The following UBE2H variants were observed in gnomAD, a reference collection of about 807,000 sequenced individuals.
UBE2H encodes ubiquitin-conjugating enzyme E2 H.
Under a neutral mutation model 29.0 loss-of-function variants are expected in UBE2H, and 3 were observed. The observed-to-expected ratio is 0.10, with a 90% CI of 0.05 to 0.27. The LOEUF (loss-of-function observed/expected upper bound fraction) is 0.27. Among genes scored for constraint, UBE2H ranks in the 10% least tolerant of loss-of-function variants. The pLI is 1.00. For synonymous variants in UBE2H, 69 were observed against 82.9 expected, an observed-to-expected ratio of 0.83 and a Z score of 0.91; for missense variants, 68 against 228.2, an observed-to-expected ratio of 0.30 and a Z score of 4.52.
chr7:129,927,312 G>A (rs1411842734), intron 1 of UBE2H, among the ~76,000 whole-genome samples: 1 of 152,064 alleles, frequency 6.6e-6, no homozygotes, highest in Non-Finnish European at 1.5e-5. Flanking sequence ...GAGGCAGAGG[G>A]GGGTGGATCA....
At position 129,952,375 on chromosome 7, in the gene UBE2H, G is replaced by C. The variant is rs1173933208; in HGVS notation, c.53+128C>G. ...GTGCCAAGGAGCCGCCGTAGGCACT[G>C]GGGGAGGAGGGGAGTCTCGGACAGT... On this transcript the variant is annotated intron_variant, in intron 1 of 6. Coordinates refer to ENST00000355621, the MANE Select transcript of UBE2H (RefSeq NM_003344.4). The C allele has an allele frequency of 2.5e-6, 3 of 1,188,066 alleles. No individual in the cohort carries two copies. The East Asian group carries it at 8.3e-5, about 33-fold the overall frequency. 73.6% of individuals were successfully genotyped at this position (1,188,066 alleles called of 1,614,324 possible).
At chr7:129,892,892 C>A (rs1245419475) in intron 1 of UBE2H, among the ~76,000 whole-genome samples, 1 of 151,916 alleles carries the variant, frequency 6.6e-6, no homozygotes, top group Non-Finnish European at 1.5e-5. Context: ...ACTCTCCAAT[C>A]AATAAAATAT....
intron 1 of UBE2H, among the ~76,000 whole-genome samples, chr7:129,931,635 C>T (rs1004171672): frequency 2.0e-4 from 31 of 151,942 alleles, no homozygotes; most frequent in Middle Eastern, 3.2e-3. Context: ...ATATGTGCTT[C>T]TGTATTGAAT....
chr7:129,952,471 A>C, intron 1 of UBE2H, 32 bp downstream of exon 1: 1 of 1,607,992 alleles, frequency 6.2e-7, no homozygotes, highest in Non-Finnish European at 8.5e-7. Context: ...CGCCCCCCAC[A>C]CACAGCCCGA....
Position 129,887,196 on chromosome 7 carries a change from T to C in UBE2H, c.54-6225A>G, listed in dbSNP as rs147299086. The stretch of plus-strand genomic sequence containing the variant: ...AAGAACAAGAACTAGAACTAGAATT[T>C]AGCTACTAGAGCTCTCTTGAACTTT... On this transcript the variant is annotated intron_variant, in intron 1 of 6. Coordinates refer to ENST00000355621, the MANE Select transcript of UBE2H (RefSeq NM_003344.4). Among the ~76,000 whole-genome samples the C allele has an allele frequency of 6.4e-3, 980 of 151,968 alleles. 18 individuals are homozygous for C. Among genetic ancestry groups the C allele is most frequent in the African/African-American group, 0.023 (934 of 41,456 alleles).
chr7:129,926,147 T>C (rs1460685926), intron 1 of UBE2H, among the ~76,000 whole-genome samples: 1 of 152,176 alleles, frequency 6.6e-6, no homozygotes, highest in Non-Finnish European at 1.5e-5. Flanking sequence ...ATGTCACACA[T>C]CTGAAAAAGT....
At chr7:129,846,841 CCTT>C (rs1237390134) in intron 5 of UBE2H, among the ~76,000 whole-genome samples, 1 of 152,162 alleles carries the variant, frequency 6.6e-6, no homozygotes, top group African/African-American at 2.4e-5. Flanking sequence ...TCCCCTTTCT[CCTT>C]CTACTACCTG....
intron 1 of UBE2H, among the ~76,000 whole-genome samples, chr7:129,882,831 TAAA>T (rs1236287896): frequency 6.6e-6 from 1 of 152,048 alleles, no homozygotes; most frequent in Non-Finnish European, 1.5e-5. Flanking sequence ...TTGTGTCACG[TAAA>T]AAAAGGCAAA....
chr7:129,863,927 C>A (rs1805848085), intron 3 of UBE2H, among the ~76,000 whole-genome samples: 1 of 151,886 alleles, frequency 6.6e-6, no homozygotes, highest in African/African-American at 2.4e-5. Context: ...GCCTCAGCCT[C>A]CCAAGTAGCT....
chr7:129,922,213 C>A (rs1807177577), intron 1 of UBE2H, among the ~76,000 whole-genome samples: 1 of 151,886 alleles, frequency 6.6e-6, no homozygotes, highest in East Asian at 1.9e-4. Context: ...GTCTTGAACT[C>A]CTGACCTCAG....
chr7:129,865,407 G>T (rs1355052806), intron 3 of UBE2H, among the ~76,000 whole-genome samples: 1 of 152,068 alleles, frequency 6.6e-6, no homozygotes, highest in Non-Finnish European at 1.5e-5. Flanking sequence ...TTCCATCTTT[G>T]TTCCCTTTAT....
chr7:129,847,051 G>A (rs926388726), intron 5 of UBE2H, among the ~76,000 whole-genome samples: 2 of 151,090 alleles, frequency 1.3e-5, no homozygotes, highest in Admixed American at 1.3e-4. Context: ...ACGGAGTCTC[G>A]CTCTATCTCC....
intron 2 of UBE2H, among the ~76,000 whole-genome samples, chr7:129,880,363 G>A (rs1015690746): frequency 6.6e-6 from 1 of 152,100 alleles, no homozygotes; most frequent in African/African-American, 2.4e-5. Flanking sequence ...GAAATGAGCT[G>A]GGCGTGGTGG....
chr7:129,895,882 A>G (rs913276373), intron 1 of UBE2H, among the ~76,000 whole-genome samples: 2 of 152,070 alleles, frequency 1.3e-5, no homozygotes, highest in East Asian at 1.9e-4. Context: ...TCTCAGAAAA[A>G]AACAACAGAA....
chr7:129,904,361 C>G (rs1806775138), intron 1 of UBE2H, among the ~76,000 whole-genome samples: 1 of 152,000 alleles, frequency 6.6e-6, no homozygotes, highest in Non-Finnish European at 1.5e-5. Context: ...CTTAAGCGAT[C>G]CTCTTGCCTT....
rs951292295 is a variant in UBE2H at position 129,860,537 on chromosome 7, G to A, written c.206-1596C>T. On this transcript the variant is annotated intron_variant, in intron 3 of 6. Transcript: ENST00000355621. ...AAATACTAATACACATGTCCCAGATGCCCCATGAGAGTATTTGTTGCAATA... is the reference window on the plus strand; with the variant it reads ...AAATACTAATACACATGTCCCAGATACCCCATGAGAGTATTTGTTGCAATA... Among the ~76,000 whole-genome samples, 16 of 152,204 alleles carry A rather than the reference G, an allele frequency of 1.1e-4. No individual in the cohort carries two copies. In the South Asian group the frequency reaches 1.7e-3, roughly 16 times the overall value.
intron 3 of UBE2H, among the ~76,000 whole-genome samples, chr7:129,870,428 C>T (rs1307148825): frequency 6.6e-6 from 1 of 152,178 alleles, no homozygotes; most frequent in Non-Finnish European, 1.5e-5. Context: ...CCAGCCAGAG[C>T]AACATGGTGA....
chr7:129,904,004 A>G (rs1372995849), intron 1 of UBE2H, among the ~76,000 whole-genome samples: 1 of 152,262 alleles, frequency 6.6e-6, no homozygotes, highest in Non-Finnish European at 1.5e-5. Flanking sequence ...ATCCCAATTT[A>G]TAACAGTGCT....
intron 1 of UBE2H, among the ~76,000 whole-genome samples, chr7:129,900,973 A>G (rs1806702201): frequency 1.3e-5 from 2 of 152,112 alleles, no homozygotes; most frequent in African/African-American, 4.8e-5. Flanking sequence ...GATGGTCTCC[A>G]TCTCCTGACC....
Sources: gnomAD v4.1 joint callset for allele counts (sites outside exome capture counted in the v4.1 genomes callset) on GRCh38, gnomAD v4.1.1 for gene constraint, MANE v1.5 for transcripts, NCBI Gene and HGNC (gene_info 2026-07-23, HGNC 2026-07-21) for gene names.